SH3KBP1: variants seen among roughly 807,000 people sequenced by gnomAD.
SH3KBP1 encodes the protein SH3 domain containing kinase binding protein 1, also known as SH3 domain-containing kinase-binding protein 1.
Under a neutral mutation model 50.1 loss-of-function variants are expected in SH3KBP1, and 8 were observed. The observed-to-expected ratio is 0.16, with a 90% CI of 0.09 to 0.29. The LOEUF (loss-of-function observed/expected upper bound fraction) is 0.29. Ranked by LOEUF, SH3KBP1 falls within the 10% of genes least tolerant of loss-of-function variation. The probability of loss-of-function intolerance (pLI) is 1.00; values close to 1 mark genes in which losing one functional copy is unlikely to be tolerated. For missense variants in SH3KBP1, 377 were observed against 535.2 expected, an observed-to-expected ratio of 0.70 and a Z score of 2.92; for synonymous variants, 227 against 218.6, an observed-to-expected ratio of 1.04 and a Z score of -0.34.
At chrX:19,664,084 C>CCT (rs2062534216) in intron 6 of SH3KBP1, among the ~76,000 whole-genome samples, 1 of 110,837 alleles carries the variant, frequency 9.0e-6, no homozygotes, top group South Asian at 3.8e-4. Context: ...AAAGCAAGAC[C>CCT]CTCTCTCAAT....
At chrX:19,670,891 C>T (rs781336832) in intron 6 of SH3KBP1, 1 of 1,161,914 alleles carries the variant, frequency 8.6e-7, no homozygotes, top group Non-Finnish European at 1.1e-6. Flanking sequence ...CCAGCCTCCT[C>T]TCTTCAGTTT....
intron 2 of SH3KBP1, among the ~76,000 whole-genome samples, chrX:19,819,493 C>A (rs948526021): frequency 9.0e-5 from 10 of 110,504 alleles, no homozygotes; most frequent in African/African-American, 3.3e-4. Context: ...ACCACCACGT[C>A]CAGCTAATTT....
chrX:19,747,699 G>A (rs1221654295), intron 2 of SH3KBP1: 1 of 342,131 alleles, frequency 2.9e-6, no homozygotes, highest in South Asian at 2.6e-5. Flanking sequence ...TCTGTTCACA[G>A]CAGCCTCACC....
chrX:19,838,811 C>T (rs1263199473), intron 1 of SH3KBP1, among the ~76,000 whole-genome samples: 2 of 101,630 alleles, frequency 2.0e-5, no homozygotes, highest in Non-Finnish European at 3.9e-5. Flanking sequence ...CGCTTGAAAC[C>T]GGAAGGCGGA....
At chrX:19,682,045 T>C (rs1173893000) in intron 6 of SH3KBP1, among the ~76,000 whole-genome samples, 1 of 110,083 alleles carries the variant, frequency 9.1e-6, no homozygotes, top group African/African-American at 3.3e-5. Context: ...TCCTGAGCGA[T>C]AGGAGTGGGA....
intron 2 of SH3KBP1, among the ~76,000 whole-genome samples, chrX:19,770,151 C>G (rs747777973): frequency 4.2e-4 from 47 of 111,782 alleles, no homozygotes; most frequent in African/African-American, 1.5e-3. Flanking sequence ...CATCCAGGTA[C>G]CAAGCCTAGT....
intron 8 of SH3KBP1, 76 bp downstream of exon 8, chrX:19,631,788 A>G (rs2061583711): frequency 3.5e-6 from 2 of 579,019 alleles, no homozygotes; most frequent in South Asian, 7.8e-5. Context: ...CAAGCGCTGA[A>G]GCAAAAGCTT....
At chrX:19,834,562 T>C (rs768232982) in intron 2 of SH3KBP1, among the ~76,000 whole-genome samples, 1 of 112,440 alleles carries the variant, frequency 8.9e-6, no homozygotes, top group African/African-American at 3.2e-5. Context: ...CAATTCAAAG[T>C]ACTACTTACA....
intron 7 of SH3KBP1, among the ~76,000 whole-genome samples, chrX:19,635,217 C>T (rs2061672520): frequency 8.9e-6 from 1 of 111,806 alleles, no homozygotes; most frequent in Admixed American, 9.5e-5. Context: ...GGTACATATA[C>T]ACCATGGAAT....
intron 3 of SH3KBP1, among the ~76,000 whole-genome samples, chrX:19,732,067 A>AT (rs1170912146): frequency 1.8e-5 from 2 of 111,062 alleles, no homozygotes; most frequent in Admixed American, 9.6e-5. Flanking sequence ...TTAGCTTTTG[A>AT]TTTTTTTTGA....
intron 3 of SH3KBP1, among the ~76,000 whole-genome samples, chrX:19,727,352 CCTA>C (rs1439836147): frequency 2.7e-5 from 3 of 112,200 alleles, no homozygotes; most frequent in African/African-American, 9.7e-5. Flanking sequence ...AAACCACCAT[CCTA>C]CTTTCTGTCT....
intron 5 of SH3KBP1, among the ~76,000 whole-genome samples, chrX:19,692,696 T>A (rs1235376915): frequency 2.6e-4 from 26 of 101,137 alleles, no homozygotes; most frequent in African/African-American, 9.1e-4. Context: ...TATATTTTTT[T>A]TTTTTTTTAA....
chrX:19,586,558 T>C (rs1300778840), intron 12 of SH3KBP1, among the ~76,000 whole-genome samples: 1 of 112,353 alleles, frequency 8.9e-6, no homozygotes, highest in African/African-American at 3.2e-5. Flanking sequence ...TCATCAAGGC[T>C]GTCAAGTGGC....
chrX:19,743,293 A>C (rs2064824754), intron 3 of SH3KBP1, among the ~76,000 whole-genome samples: 1 of 110,359 alleles, frequency 9.1e-6, no homozygotes, highest in African/African-American at 3.3e-5. Flanking sequence ...TTGTAGTCCC[A>C]GCTACTCAGG....
intron 12 of SH3KBP1, among the ~76,000 whole-genome samples, chrX:19,576,423 C>T (rs142774528): frequency 0.036 from 3,944 of 110,539 alleles, 85 homozygotes; most frequent in Non-Finnish European, 0.057. Context: ...GTGCCAGGCA[C>T]TAGAATAAGC....
intron 3 of SH3KBP1, among the ~76,000 whole-genome samples, chrX:19,734,459 AAGAGAAAGAGGCAGAC>A (rs1225074523): frequency 1.8e-5 from 2 of 112,103 alleles, no homozygotes; most frequent in Non-Finnish European, 3.8e-5. Flanking sequence ...GGGGACATAA[AAGAGAAAGAGGCAGAC>A]AGACAGACAT....
intron 5 of SH3KBP1, among the ~76,000 whole-genome samples, chrX:19,685,370 T>G (rs1054764157): frequency 8.9e-6 from 1 of 112,567 alleles, no homozygotes; most frequent in African/African-American, 3.2e-5. Context: ...CGTTTCAGAA[T>G]CAAATCCTTA....
intron 9 of SH3KBP1, among the ~76,000 whole-genome samples, chrX:19,606,755 GCT>G (rs1293886838): frequency 5.4e-5 from 6 of 111,957 alleles, no homozygotes; most frequent in African/African-American, 1.9e-4. Context: ...TTTCTAACAA[GCT>G]CTCAGGTGAT....
At chrX:19,752,202 C>A (rs1432278347) in intron 2 of SH3KBP1, among the ~76,000 whole-genome samples, 1 of 111,729 alleles carries the variant, frequency 9.0e-6, no homozygotes, top group African/African-American at 3.3e-5. Context: ...TGCTGTGCAT[C>A]AGAAAACCAG....
Sources: allele counts gnomAD v4.1 joint callset (sites outside exome capture counted in the v4.1 genomes callset), GRCh38; gene constraint gnomAD v4.1.1; transcripts MANE v1.5; gene names NCBI Gene and HGNC (gene_info 2026-07-23, HGNC 2026-07-21).